Variants in DCC observed in about 807,000 individuals in gnomAD.
DCC encodes DCC netrin 1 receptor, also known as netrin receptor DCC.
In DCC, 58 loss-of-function variants were observed where a neutral mutation model predicts 172.5. The observed-to-expected ratio is 0.34, with a 90% confidence interval of 0.27 to 0.42. The LOEUF is 0.42. Among genes scored for constraint, DCC ranks in the 10% least tolerant of loss-of-function variants. The probability of loss-of-function intolerance (pLI) is 1.00; values close to 1 mark genes in which losing one functional copy is unlikely to be tolerated. For synonymous variants in DCC, 709 were observed against 644.5 expected (o/e 1.10, Z -1.52); for missense variants, 1,740 against 1,791.0 (o/e 0.97, Z 0.51).
rs1302511921 is a variant in DCC, at chr18:53,428,455, T to C, written c.3164-6689T>C. 1.9e-3 allele frequency among the ~76,000 whole-genome samples: 51 copies of C among 26,722 alleles called. 5 individuals carry two copies. The highest frequency in any genetic ancestry group is 5.6e-3 in the African/African-American group (49 of 8,828). The allele number at this position is 26,722 out of a possible 152,430, so 17.5% of individuals were successfully genotyped here. On this transcript the variant is annotated intron_variant, in intron 21 of 28. Transcript: ENST00000442544. ...ACATATATAATATATTATATTATTTTATATATATTATATAATATATAATAT... is the reference window on the plus strand; with the variant it reads ...ACATATATAATATATTATATTATTTCATATATATTATATAATATATAATAT...
chr18:53,192,110 G>A (rs1270251176), intron 9 of DCC, among the ~76,000 whole-genome samples: 1 of 152,184 alleles, frequency 6.6e-6, no homozygotes, highest in Admixed American at 6.5e-5. Flanking sequence ...AGAAGCCTTT[G>A]AGATGCTTCT....
intron 2 of DCC, among the ~76,000 whole-genome samples, chr18:52,793,483 T>C (rs1427609831): frequency 6.6e-6 from 1 of 152,182 alleles, no homozygotes; most frequent in Non-Finnish European, 1.5e-5. Flanking sequence ...CCTTTATCAG[T>C]AGTATTTGTT....
intron 9 of DCC, among the ~76,000 whole-genome samples, chr18:53,189,127 C>A (rs961922866): frequency 1.8e-4 from 27 of 151,832 alleles, no homozygotes; most frequent in Admixed American, 1.5e-3. Context: ...GAGGACTGAG[C>A]AAACTATGAA....
At chr18:53,500,578 TTTATA>T (rs2046084780) in intron 27 of DCC, among the ~76,000 whole-genome samples, 1 of 148,068 alleles carries the variant, frequency 6.8e-6, no homozygotes, top group Admixed American at 6.6e-5. Flanking sequence ...TATTAATTAT[TTTATA>T]TTAAGAATGT....
chr18:52,767,020 A>G (rs752230828), intron 2 of DCC, among the ~76,000 whole-genome samples: 1 of 151,934 alleles, frequency 6.6e-6, no homozygotes, highest in African/African-American at 2.4e-5. Flanking sequence ...GGCTTTTTCT[A>G]TGTGGGGACA....
chr18:52,509,922 G>A (rs912740108), intron 1 of DCC, among the ~76,000 whole-genome samples: 6 of 152,108 alleles, frequency 3.9e-5, no homozygotes, highest in Non-Finnish European at 8.8e-5. Flanking sequence ...GGCCAACATA[G>A]TGAAACCCTT....
At chr18:52,785,596 G>A (rs892259148) in intron 2 of DCC, among the ~76,000 whole-genome samples, 1 of 151,992 alleles carries the variant, frequency 6.6e-6, no homozygotes, top group African/African-American at 2.4e-5. Flanking sequence ...AGAAAGGTGT[G>A]TCCATGTTTG....
At chr18:53,254,968 G>C (rs2056486968) in intron 12 of DCC, among the ~76,000 whole-genome samples, 1 of 151,980 alleles carries the variant, frequency 6.6e-6, no homozygotes, top group African/African-American at 2.4e-5. Context: ...AGACTTTAGA[G>C]CCCTGCCCTA....
At chr18:52,809,673 TGAGTAGAA>T in intron 2 of DCC, among the ~76,000 whole-genome samples, 1 of 152,092 alleles carries the variant, frequency 6.6e-6, no homozygotes, top group Admixed American at 6.5e-5. Context: ...TGGGGGACGG[TGAGTAGAA>T]GCTCAACTTG....
chr18:52,786,719 G>A (rs2037668101), intron 2 of DCC, among the ~76,000 whole-genome samples: 1 of 152,082 alleles, frequency 6.6e-6, no homozygotes, highest in Admixed American at 6.6e-5. Context: ...TAAACTTGGA[G>A]TTCGTGGACC....
At chr18:52,516,283 TAA>T (rs1406359442) in intron 1 of DCC, among the ~76,000 whole-genome samples, 1 of 152,242 alleles carries the variant, frequency 6.6e-6, no homozygotes, top group Non-Finnish European at 1.5e-5. Context: ...AATAAATATA[TAA>T]GTGTTTATAT....
chr18:53,184,032 C>G (rs937304327), intron 9 of DCC, among the ~76,000 whole-genome samples: 3 of 150,620 alleles, frequency 2.0e-5, no homozygotes, highest in African/African-American at 7.3e-5. Context: ...ACTCCCTGAT[C>G]CAACGGGATC....
At chr18:53,287,615 G>A (rs745379830) in intron 12 of DCC, among the ~76,000 whole-genome samples, 7 of 152,026 alleles carry the variant, frequency 4.6e-5, no homozygotes, top group Admixed American at 1.3e-4. Flanking sequence ...CCACTTTTAC[G>A]TTCCCACCAG....
At chr18:52,584,706 AT>A (rs200776292) in intron 1 of DCC, among the ~76,000 whole-genome samples, 3,341 of 144,772 alleles carry the variant, frequency 0.023, 92 homozygotes, top group African/African-American at 0.074. Flanking sequence ...TGCCCAGATA[AT>A]TTTTTTTTTT....
At chr18:52,862,880 T>G (rs987346555) in intron 2 of DCC, among the ~76,000 whole-genome samples, 2 of 152,154 alleles carry the variant, frequency 1.3e-5, no homozygotes, top group Non-Finnish European at 2.9e-5. Context: ...ACTTAAAAGA[T>G]AGATAGAAAT....
At chr18:52,547,451 T>A (rs75955776) in intron 1 of DCC, among the ~76,000 whole-genome samples, 266 of 152,254 alleles carry the variant, frequency 1.7e-3, no homozygotes, top group African/African-American at 5.9e-3. Context: ...CAATAGCTAT[T>A]TAGTGAGTTC....
intron 14 of DCC, among the ~76,000 whole-genome samples, chr18:53,323,245 A>G (rs1171160616): frequency 6.6e-6 from 1 of 151,846 alleles, no homozygotes; most frequent in Admixed American, 6.6e-5. Context: ...GAACTCCTCC[A>G]TCTCATTCTC....
intron 1 of DCC, among the ~76,000 whole-genome samples, chr18:52,666,024 G>C (rs1164581199): frequency 6.6e-6 from 1 of 152,150 alleles, no homozygotes; most frequent in African/African-American, 2.4e-5. Context: ...TCGGCCGGGT[G>C]CCGTGACTCA....
At chr18:52,880,683 G>A (rs2039472070) in intron 2 of DCC, among the ~76,000 whole-genome samples, 1 of 152,174 alleles carries the variant, frequency 6.6e-6, no homozygotes, top group South Asian at 2.1e-4. Flanking sequence ...TGTTGAAAAT[G>A]ATTAACTCTC....
Sources: allele counts gnomAD v4.1 joint callset (sites outside exome capture counted in the v4.1 genomes callset), GRCh38; gene constraint gnomAD v4.1.1; transcripts MANE v1.5; gene names NCBI Gene and HGNC (gene_info 2026-07-23, HGNC 2026-07-21).